Variants in FARS2 observed in about 807,000 individuals in gnomAD.
FARS2 encodes the protein phenylalanyl-tRNA synthetase 2, mitochondrial.
In FARS2, 40 loss-of-function variants were observed where a neutral mutation model predicts 46.4. The observed-to-expected ratio is 0.86, with a 90% CI of 0.67 to 1.12. The LOEUF (loss-of-function observed/expected upper bound fraction) is 1.12, where lower values mean the gene tolerates loss of function less well. Ranked by LOEUF, FARS2 falls within the 50% of genes most tolerant of loss-of-function variation. The pLI, the probability that FARS2 is intolerant of heterozygous loss-of-function variation, is 0.00. For synonymous variants in FARS2, 234 were observed against 214.9 expected (o/e 1.09, Z -0.78); for missense variants, 513 against 567.9 (o/e 0.90, Z 0.98).
At chr6:5,696,895 A>G (rs1160209602) in intron 6 of FARS2, among the ~76,000 whole-genome samples, 14 of 152,226 alleles carry the variant, frequency 9.2e-5, no homozygotes, top group African/African-American at 3.4e-4. Context: ...AACTTATCCA[A>G]CCATGGAGAA....
intron 6 of FARS2, among the ~76,000 whole-genome samples, chr6:5,648,132 A>G (rs1777166807): frequency 6.6e-6 from 1 of 152,262 alleles, no homozygotes; most frequent in Admixed American, 6.5e-5. Flanking sequence ...TGCATAGTCC[A>G]CAAGACCTAA....
chr6:5,280,199 C>T (rs1002149105), intron 1 of FARS2, among the ~76,000 whole-genome samples: 2 of 152,184 alleles, frequency 1.3e-5, no homozygotes, highest in African/African-American at 4.8e-5. Context: ...ATAGCATGCC[C>T]TTAAATGGAA....
At chr6:5,374,093 T>C (rs1187890000) in intron 2 of FARS2, among the ~76,000 whole-genome samples, 3 of 152,140 alleles carry the variant, frequency 2.0e-5, no homozygotes, top group Non-Finnish European at 4.4e-5. Context: ...CGATCTGATG[T>C]CTGTGATGTT....
upstream of FARS2, among the ~76,000 whole-genome samples, chr6:5,260,320 A>T (rs1186486084): frequency 6.6e-6 from 1 of 152,266 alleles, no homozygotes; most frequent in Non-Finnish European, 1.5e-5. Context: ...TTAACTTCAC[A>T]AATGACTGAT....
chr6:5,734,727 A>G (rs73364232), intron 6 of FARS2, among the ~76,000 whole-genome samples: 9 of 152,352 alleles, frequency 5.9e-5, no homozygotes, highest in African/African-American at 2.2e-4. Flanking sequence ...TTGACACAAA[A>G]TGAGGACAGT....
chr6:5,489,189 C>G (rs1766953674), intron 4 of FARS2, among the ~76,000 whole-genome samples: 1 of 152,082 alleles, frequency 6.6e-6, no homozygotes, highest in African/African-American at 2.4e-5. Context: ...TGCGGTGGCT[C>G]ACACCTATAA....
At chr6:5,556,488 A>T (rs547226742) in intron 5 of FARS2, among the ~76,000 whole-genome samples, 1 of 151,830 alleles carries the variant, frequency 6.6e-6, no homozygotes, top group Non-Finnish European at 1.5e-5. Flanking sequence ...CTTTAGCCTT[A>T]TGATGTTAGG....
At chr6:5,576,473 T>C (rs546001050) in intron 5 of FARS2, among the ~76,000 whole-genome samples, 2 of 151,984 alleles carry the variant, frequency 1.3e-5, no homozygotes, top group South Asian at 4.2e-4. Context: ...GCTTTCGTGC[T>C]CCTCAGCTTG....
intron 4 of FARS2, among the ~76,000 whole-genome samples, chr6:5,495,935 G>T (rs569844536): frequency 1.3e-5 from 2 of 152,270 alleles, no homozygotes; most frequent in South Asian, 4.2e-4. Context: ...GTATCACGAT[G>T]CCCTGCCTGA....
chr6:5,550,839 C>T (rs1424436115), intron 5 of FARS2, among the ~76,000 whole-genome samples: 1 of 152,188 alleles, frequency 6.6e-6, no homozygotes, highest in Non-Finnish European at 1.5e-5. Flanking sequence ...TTTCTGGCTT[C>T]TGCTGAGACG....
intron 4 of FARS2, among the ~76,000 whole-genome samples, chr6:5,501,495 T>A (rs1233563490): frequency 6.6e-6 from 1 of 151,962 alleles, no homozygotes; most frequent in East Asian, 1.9e-4. Context: ...TATTTTATTT[T>A]TATTTATTTA....
At chr6:5,400,921 A>G (rs1443617143) in intron 2 of FARS2, among the ~76,000 whole-genome samples, 1 of 151,642 alleles carries the variant, frequency 6.6e-6, no homozygotes, top group Non-Finnish European at 1.5e-5. Flanking sequence ...TTAATACAAG[A>G]TCTTCTTTGT....
intron 5 of FARS2, among the ~76,000 whole-genome samples, chr6:5,550,072 TGAGTAG>T (rs1469492242): frequency 1.3e-5 from 2 of 152,014 alleles, no homozygotes; most frequent in African/African-American, 2.4e-5. Flanking sequence ...CAAAATACAA[TGAGTAG>T]GATAGGCATT....
chr6:5,376,198 G>A (rs571867146), intron 2 of FARS2, among the ~76,000 whole-genome samples: 60 of 152,188 alleles, frequency 3.9e-4, no homozygotes, highest in African/African-American at 1.3e-3. Flanking sequence ...ACACGTGTGT[G>A]CTTTTACTAT....
intron 4 of FARS2, among the ~76,000 whole-genome samples, chr6:5,444,147 G>T (rs1369681021): frequency 6.6e-6 from 1 of 151,572 alleles, no homozygotes; most frequent in Non-Finnish European, 1.5e-5. Flanking sequence ...GCACGCACGT[G>T]CATATGTTCG....
intron 1 of FARS2, among the ~76,000 whole-genome samples, chr6:5,345,026 A>G (rs966147314): frequency 1.3e-5 from 2 of 152,018 alleles, no homozygotes; most frequent in Admixed American, 1.3e-4. Flanking sequence ...TCCTGACCTC[A>G]GGTGATCTGC....
intron 6 of FARS2, among the ~76,000 whole-genome samples, chr6:5,726,736 A>G (rs1241334295): frequency 6.6e-6 from 1 of 152,110 alleles, no homozygotes; most frequent in Non-Finnish European, 1.5e-5. Context: ...TTCTTAAAGA[A>G]CTGCTCTTGA....
At chr6:5,496,053 C>T (rs1767442548) in intron 4 of FARS2, among the ~76,000 whole-genome samples, 1 of 152,190 alleles carries the variant, frequency 6.6e-6, no homozygotes, top group South Asian at 2.1e-4. Context: ...GCACAACTCT[C>T]CCTGACTCCC....
At chr6:5,647,247 C>T (rs1177817855) in intron 6 of FARS2, among the ~76,000 whole-genome samples, 1 of 152,204 alleles carries the variant, frequency 6.6e-6, no homozygotes, top group African/African-American at 2.4e-5. Flanking sequence ...TCCCGCCTCT[C>T]TTCCTGGGGG....
Sources: gnomAD v4.1 joint callset for allele counts (sites outside exome capture counted in the v4.1 genomes callset) on GRCh38, gnomAD v4.1.1 for gene constraint, MANE v1.5 for transcripts, NCBI Gene and HGNC (gene_info 2026-07-23, HGNC 2026-07-21) for gene names.